The following RNF150 variants were observed in gnomAD, a reference collection of about 807,000 sequenced individuals.
RNF150 encodes ring finger protein 150.
A neutral mutation model predicts 39.3 loss-of-function variants in RNF150; 24 were observed. That is an observed-to-expected ratio of 0.61 (90% CI 0.44 to 0.86). The LOEUF (loss-of-function observed/expected upper bound fraction) is 0.86, where lower values mean the gene tolerates loss of function less well. RNF150 is among the 40% of genes least tolerant of loss of function. RNF150 has a pLI of 0.00. For synonymous variants in RNF150, 255 were observed against 227.3 expected, an observed-to-expected ratio of 1.12 and a Z score of -1.10; for missense variants, 502 against 587.8, an observed-to-expected ratio of 0.85 and a Z score of 1.51.
chr4:141,123,606 G>T (rs1726673370), intron 1 of RNF150, among the ~76,000 whole-genome samples: 1 of 152,274 alleles, frequency 6.6e-6, no homozygotes, highest in East Asian at 1.9e-4. Flanking sequence ...CAACGTACAG[G>T]TTTGTTACAT....
At chr4:140,956,411 C>A (rs1732755821) in intron 2 of RNF150, among the ~76,000 whole-genome samples, 1 of 152,112 alleles carries the variant, frequency 6.6e-6, no homozygotes, top group South Asian at 2.1e-4. Context: ...CACTGGTATT[C>A]AGGATCAGGA....
chr4:141,129,423 T>A (rs1386312043), intron 1 of RNF150, among the ~76,000 whole-genome samples: 1 of 152,152 alleles, frequency 6.6e-6, no homozygotes, highest in Non-Finnish European at 1.5e-5. Flanking sequence ...TTTAAATACA[T>A]GAAGACAGAA....
intron 1 of RNF150, among the ~76,000 whole-genome samples, chr4:141,054,001 C>A (rs1011355214): frequency 1.3e-5 from 2 of 152,250 alleles, no homozygotes; most frequent in Middle Eastern, 6.8e-3. Context: ...GTAAAAAAAT[C>A]ACATAATAAC....
chr4:140,904,618 T>G (rs1419579220), intron 6 of RNF150, among the ~76,000 whole-genome samples: 1 of 152,266 alleles, frequency 6.6e-6, no homozygotes, highest in Non-Finnish European at 1.5e-5. Flanking sequence ...CAGTATATTT[T>G]GTAGTCACAT....
intron 1 of RNF150, among the ~76,000 whole-genome samples, chr4:141,161,825 C>G (rs1727517440): frequency 1.3e-5 from 2 of 152,206 alleles, no homozygotes; most frequent in Admixed American, 6.5e-5. Flanking sequence ...TGGTGTTAAG[C>G]CTGTGGGTAC....
chr4:141,052,359 A>G (rs1267813996), intron 1 of RNF150, among the ~76,000 whole-genome samples: 1 of 152,154 alleles, frequency 6.6e-6, no homozygotes, highest in Non-Finnish European at 1.5e-5. Context: ...TCACATTAGC[A>G]ACAAAACCTT....
At chr4:140,989,502 G>A (rs1424353622) in intron 1 of RNF150, among the ~76,000 whole-genome samples, 1 of 152,120 alleles carries the variant, frequency 6.6e-6, no homozygotes, top group Non-Finnish European at 1.5e-5. Flanking sequence ...GACAAAAAGA[G>A]AGTGGGTGGC....
At chr4:141,031,300 C>T (rs935298526) in intron 1 of RNF150, among the ~76,000 whole-genome samples, 1 of 151,956 alleles carries the variant, frequency 6.6e-6, no homozygotes. Flanking sequence ...AACTAATAAA[C>T]TAGTAGAAGA....
intron 1 of RNF150, among the ~76,000 whole-genome samples, chr4:141,205,600 T>C (rs138463692): frequency 6.6e-4 from 101 of 152,314 alleles, no homozygotes; most frequent in Non-Finnish European, 1.3e-3. Flanking sequence ...GTATTCATTA[T>C]GATGAGAGAT....
At chr4:141,005,638 A>G (rs1231552678) in intron 1 of RNF150, among the ~76,000 whole-genome samples, 2 of 152,210 alleles carry the variant, frequency 1.3e-5, no homozygotes, top group African/African-American at 2.4e-5. Flanking sequence ...GATAAAACCT[A>G]TGAGAAATGT....
chr4:140,933,358 T>A (rs1731723996), intron 4 of RNF150, among the ~76,000 whole-genome samples: 1 of 152,164 alleles, frequency 6.6e-6, no homozygotes, highest in Admixed American at 6.5e-5. Flanking sequence ...AAGTTGAGTT[T>A]CCCTCATCTG....
At chr4:140,995,220 A>G (rs1303656284) in intron 1 of RNF150, among the ~76,000 whole-genome samples, 1 of 152,124 alleles carries the variant, frequency 6.6e-6, no homozygotes, top group African/African-American at 2.4e-5. Flanking sequence ...AACTCAGCCC[A>G]GGAATGTTCT....
Position 141,030,200 on chromosome 4 carries a change from A to G in RNF150, c.485-62327T>C, listed in dbSNP as rs1452066756. ...CAAAGTGAGACTCCGTCTAAAAAAA[A>G]AAAAGCTCAGTATCAGTAATCACTA... On this transcript the variant is annotated intron_variant, in intron 1 of 6. Coordinates refer to ENST00000515673, the MANE Select transcript of RNF150 (RefSeq NM_020724.2). Among the ~76,000 whole-genome samples, 3 of 152,238 alleles carry G rather than the reference A, an allele frequency of 2.0e-5. No individual in the cohort carries two copies. In the East Asian group the frequency reaches 5.8e-4, roughly 29 times the overall value.
chr4:140,996,587 C>T (rs56996103), intron 1 of RNF150, among the ~76,000 whole-genome samples: 11,555 of 152,146 alleles, frequency 0.076, 499 homozygotes, highest in Middle Eastern at 0.16. Flanking sequence ...AAAGGGTTGA[C>T]AAGAGAATAA....
At chr4:141,130,363 A>T (rs1342608247) in intron 1 of RNF150, among the ~76,000 whole-genome samples, 1 of 152,266 alleles carries the variant, frequency 6.6e-6, no homozygotes, top group Non-Finnish European at 1.5e-5. Context: ...TGGCAGATAC[A>T]GCATGAATAC....
At chr4:141,173,207 T>G (rs920615116) in intron 1 of RNF150, among the ~76,000 whole-genome samples, 20 of 152,332 alleles carry the variant, frequency 1.3e-4, no homozygotes, top group Non-Finnish European at 2.6e-4. Flanking sequence ...TTTATAAGGC[T>G]TTCTCTTATA....
At chr4:141,204,885 T>C (rs765995065) in intron 1 of RNF150, among the ~76,000 whole-genome samples, 3 of 152,210 alleles carry the variant, frequency 2.0e-5, no homozygotes, top group Non-Finnish European at 4.4e-5. Context: ...TTTATTATTT[T>C]AAAGGACCTT....
chr4:140,869,704 G>T (rs985926936), intron 6 of RNF150, among the ~76,000 whole-genome samples: 1 of 152,138 alleles, frequency 6.6e-6, no homozygotes, highest in African/African-American at 2.4e-5. Context: ...GAGTCCTAAA[G>T]GATAATCTGT....
At chr4:141,131,241 A>T (rs1340512247) in intron 1 of RNF150, among the ~76,000 whole-genome samples, 1 of 152,266 alleles carries the variant, frequency 6.6e-6, no homozygotes, top group Non-Finnish European at 1.5e-5. Flanking sequence ...GTTTTTAAAG[A>T]AAATAATGCT....
Sources: allele counts gnomAD v4.1 joint callset (sites outside exome capture counted in the v4.1 genomes callset), GRCh38; gene constraint gnomAD v4.1.1; transcripts MANE v1.5; gene names NCBI Gene and HGNC (gene_info 2026-07-23, HGNC 2026-07-21).